The following SEMA6D variants were observed in gnomAD, a reference collection of about 807,000 sequenced individuals.
The protein encoded by SEMA6D is semaphorin 6D.
A neutral mutation model predicts 106.6 loss-of-function variants in SEMA6D; 35 were observed. The ratio of observed to expected loss-of-function variants is 0.33; its 90% CI spans 0.25 to 0.44. SEMA6D has a LOEUF of 0.44. SEMA6D is among the 20% of genes least tolerant of loss of function. The pLI, the probability that SEMA6D is intolerant of heterozygous loss-of-function variation, is 1.00. For synonymous variants in SEMA6D, 499 were observed against 487.7 expected (o/e 1.02, Z -0.31); for missense variants, 1,185 against 1,345.9 (o/e 0.88, Z 1.87).
intron 1 of SEMA6D, among the ~76,000 whole-genome samples, chr15:47,215,232 G>T (rs757253977): frequency 1.7e-4 from 26 of 151,182 alleles, no homozygotes; most frequent in African/African-American, 6.1e-4. Flanking sequence ...TGTGGCTAGA[G>T]AATCTTTGTT....
chr15:47,184,534 C>G (rs2140858633), intron 1 of SEMA6D: 1 of 152,318 alleles, frequency 6.6e-6, no homozygotes, highest in Non-Finnish European at 1.5e-5. Context: ...GCTCTGGCGG[C>G]GTCCAGGATG....
chr15:47,370,712 T>C (rs956484565), intron 1 of SEMA6D, among the ~76,000 whole-genome samples: 1 of 101,904 alleles, frequency 9.8e-6, no homozygotes, highest in African/African-American at 3.6e-5. Context: ...AAAAAAAAAT[T>C]TGATGGGTGT....
chr15:47,536,588 A>C (rs1339641854), intron 3 of SEMA6D, among the ~76,000 whole-genome samples: 4 of 152,176 alleles, frequency 2.6e-5, no homozygotes, highest in African/African-American at 7.2e-5. Context: ...AATGATATCC[A>C]TGTCTTCACC....
chr15:47,467,138 T>C (rs2042688278), intron 2 of SEMA6D, among the ~76,000 whole-genome samples: 1 of 152,100 alleles, frequency 6.6e-6, no homozygotes, highest in Non-Finnish European at 1.5e-5. Flanking sequence ...AGGATAATAA[T>C]TTTTGTTCTT....
intron 1 of SEMA6D, among the ~76,000 whole-genome samples, chr15:47,226,412 C>G (rs771164163): frequency 6.6e-6 from 1 of 152,078 alleles, no homozygotes; most frequent in African/African-American, 2.4e-5. Context: ...GCCATCTCCC[C>G]GTCTAAAACA....
At chr15:47,696,526 G>GTGACT (rs1339009705) in intron 4 of SEMA6D, among the ~76,000 whole-genome samples, 1 of 152,208 alleles carries the variant, frequency 6.6e-6, no homozygotes, top group African/African-American at 2.4e-5. Flanking sequence ...AAAGCCCCTA[G>GTGACT]TGACTTGTCT....
chr15:47,471,574 T>A lies in SEMA6D; in HGVS notation c.-87+1029T>A, dbSNP rs2042839105. Among the ~76,000 whole-genome samples the A allele has an allele frequency of 2.6e-5, 4 of 152,136 alleles. No homozygotes were observed. The South Asian group carries it at 8.3e-4, about 32-fold the overall frequency. ...CAGACATGAGCCTTTATGATTTCTG[T>A]CTCCTGTGAGGGTCTGCACCTACTG... On this transcript the variant is annotated intron_variant, in intron 3 of 19. Transcript: ENST00000558014.
At chr15:47,673,063 G>C (rs1171530302) in intron 4 of SEMA6D, among the ~76,000 whole-genome samples, 1 of 151,740 alleles carries the variant, frequency 6.6e-6, no homozygotes, top group Non-Finnish European at 1.5e-5. Context: ...GGTTTCATCA[G>C]GTCATGAATG....
At position 47,256,674 on chromosome 15, in the gene SEMA6D, C is replaced by T. The variant is rs543283801; in HGVS notation, c.-239+72256C>T. Reference sequence around the variant, plus strand: ...AGGAGTTCGAGACCAGCCTGACCAACATGGTGAAACCCTGTCTGTACTAAA... The same window carrying T: ...AGGAGTTCGAGACCAGCCTGACCAATATGGTGAAACCCTGTCTGTACTAAA... On this transcript the variant is annotated intron_variant, in intron 1 of 19. Coordinates refer to the SEMA6D transcript ENST00000558014. 2.0e-5 allele frequency among the ~76,000 whole-genome samples: 3 copies of T among 152,152 alleles called. No homozygotes were observed. In the South Asian group the frequency reaches 6.2e-4, roughly 32 times the overall value.
intron 1 of SEMA6D, among the ~76,000 whole-genome samples, chr15:47,277,974 G>A (rs2034915946): frequency 6.6e-6 from 1 of 151,944 alleles, no homozygotes; most frequent in African/African-American, 2.4e-5. Context: ...AGTATTCCAT[G>A]GTGTATATGT....
intron 3 of SEMA6D, among the ~76,000 whole-genome samples, chr15:47,521,415 A>G (rs2044573041): frequency 6.6e-6 from 1 of 152,130 alleles, no homozygotes; most frequent in East Asian, 1.9e-4. Context: ...AATCTCTTCA[A>G]CTAAAATGTA....
intron 2 of SEMA6D, among the ~76,000 whole-genome samples, chr15:47,414,735 C>T (rs1184993599): frequency 6.6e-6 from 1 of 152,144 alleles, no homozygotes; most frequent in African/African-American, 2.4e-5. Flanking sequence ...AATCCTTTTC[C>T]ACTTCTGCAT....
At chr15:47,441,074 G>T (rs906505596) in intron 2 of SEMA6D, among the ~76,000 whole-genome samples, 6 of 151,942 alleles carry the variant, frequency 3.9e-5, no homozygotes, top group African/African-American at 1.4e-4. Flanking sequence ...GCATTGTGAG[G>T]TTAATCTTAA....
intron 3 of SEMA6D, among the ~76,000 whole-genome samples, chr15:47,571,291 A>G (rs1049265608): frequency 1.3e-5 from 2 of 152,222 alleles, no homozygotes; most frequent in South Asian, 2.1e-4. Flanking sequence ...CTGGAGCCCA[A>G]TTTGGAAGAA....
At chr15:47,730,738 C>T (rs1379556916) in intron 1 of SEMA6D, 1 of 1,602,642 alleles carries the variant, frequency 6.2e-7, no homozygotes, top group Non-Finnish European at 8.5e-7. Flanking sequence ...GAGTATAGCT[C>T]TCTGCCGCTG....
intron 1 of SEMA6D, among the ~76,000 whole-genome samples, chr15:47,390,731 A>G (rs983986011): frequency 3.9e-5 from 6 of 152,228 alleles, no homozygotes; most frequent in Admixed American, 3.9e-4. Flanking sequence ...AGACATTAGT[A>G]GGTGATAACC....
At chr15:47,293,407 G>T (rs1355173534) in intron 1 of SEMA6D, among the ~76,000 whole-genome samples, 1 of 152,160 alleles carries the variant, frequency 6.6e-6, no homozygotes. Context: ...GTGCGTTGTT[G>T]CATTTTTGGT....
At chr15:47,702,614 C>A (rs2078834563) in intron 4 of SEMA6D, among the ~76,000 whole-genome samples, 1 of 152,072 alleles carries the variant, frequency 6.6e-6, no homozygotes, top group African/African-American at 2.4e-5. Context: ...CTGGAAGCAA[C>A]CAGAATGTCC....
At chr15:47,619,570 G>A (rs530167378) in intron 4 of SEMA6D, among the ~76,000 whole-genome samples, 80 of 152,280 alleles carry the variant, frequency 5.3e-4, no homozygotes, top group South Asian at 2.1e-3. Context: ...AGCAGCATCA[G>A]TATCACTAAG....
Sources: allele counts gnomAD v4.1 joint callset (sites outside exome capture counted in the v4.1 genomes callset), GRCh38; gene constraint gnomAD v4.1.1; transcripts MANE v1.5; gene names NCBI Gene and HGNC (gene_info 2026-07-23, HGNC 2026-07-21).